UGT1A8: variants seen among roughly 807,000 people sequenced by gnomAD.
The protein encoded by UGT1A8 is UDP-glucuronosyltransferase 1A8.
Under a neutral mutation model 45.3 loss-of-function variants are expected in UGT1A8, and 39 were observed. The observed-to-expected ratio is 0.86, with a 90% CI of 0.67 to 1.12. UGT1A8 has a LOEUF of 1.12. Ranked by LOEUF, UGT1A8 falls within the 50% of genes most tolerant of loss-of-function variation. UGT1A8 has a pLI of 0.00. For missense variants in UGT1A8, 719 were observed against 664.9 expected, an observed-to-expected ratio of 1.08 and a Z score of -0.90; for synonymous variants, 275 against 249.2, an observed-to-expected ratio of 1.10 and a Z score of -0.97.
At chr2:233,688,306 C>T (rs1324577706) in intron 1 of UGT1A8, among the ~76,000 whole-genome samples, 1 of 152,124 alleles carries the variant, frequency 6.6e-6, no homozygotes, top group Non-Finnish European at 1.5e-5. Context: ...TTTATCCATT[C>T]ATCAGTTGGT....
rs535794871 is a variant in UGT1A8, at chr2:233,717,576, G to C, written c.856-49458G>C. On this transcript the variant is annotated intron_variant, in intron 1 of 4. Coordinates refer to ENST00000373450, the MANE Select transcript of UGT1A8 (RefSeq NM_019076.5). ...AATGGCAGACATGGCCAGGCATGTA[G>C]ACACAGAGGTAGTGAGATGGAAAGT... Among the ~76,000 whole-genome samples, 4 of 152,362 alleles carry C rather than the reference G, an allele frequency of 2.6e-5. No homozygotes were observed. In the East Asian group the frequency reaches 7.7e-4, roughly 29 times the overall value.
At chr2:233,709,178 C>T (rs1251204225) in intron 1 of UGT1A8, among the ~76,000 whole-genome samples, 1 of 152,082 alleles carries the variant, frequency 6.6e-6, no homozygotes, top group Non-Finnish European at 1.5e-5. Flanking sequence ...ATGTTCTATC[C>T]TGAGCTGGGA....
At chr2:233,707,832 A>G (rs1428523705) in intron 1 of UGT1A8, among the ~76,000 whole-genome samples, 2 of 152,200 alleles carry the variant, frequency 1.3e-5, no homozygotes, top group African/African-American at 2.4e-5. Context: ...TTAATTTAAT[A>G]AGATGTAACT....
chr2:233,650,734 T>C (rs532725929), intron 1 of UGT1A8, among the ~76,000 whole-genome samples: 4 of 152,358 alleles, frequency 2.6e-5, no homozygotes, highest in African/African-American at 9.6e-5. Flanking sequence ...GGGGCTTTTT[T>C]CCAACTGATG....
At chr2:233,623,617 A>G (rs2073049189) in intron 1 of UGT1A8, among the ~76,000 whole-genome samples, 1 of 152,184 alleles carries the variant, frequency 6.6e-6, no homozygotes. Flanking sequence ...TATCTATGAC[A>G]GTAAAAATTT....
chr2:233,695,283 T>G (rs546580338), intron 1 of UGT1A8, among the ~76,000 whole-genome samples: 155 of 152,002 alleles, frequency 1.0e-3, no homozygotes, highest in African/African-American at 3.5e-3. Context: ...GTGCCACCAT[T>G]CCCAGCTAAT....
chr2:233,718,011 C>T (rs889602207), intron 1 of UGT1A8: 3 of 401,954 alleles, frequency 7.5e-6, no homozygotes, highest in African/African-American at 6.2e-5. Flanking sequence ...TGAGGCCAGG[C>T]TCCAGCTCCC....
rs183860423 is a variant in UGT1A8 at position 233,740,220 on chromosome 2, G to A, written c.856-26814G>A. On this transcript the variant is annotated intron_variant, in intron 1 of 4. Transcript: ENST00000373450. ...TTATAAATTACCCAGTCTCAGCTGC[G>A]TCTTTATAGCAGGCTGAGAATAGAC... 6.2e-3 allele frequency among the ~76,000 whole-genome samples: 938 copies of A among 151,912 alleles called. 14 individuals are homozygous for A. The highest frequency in any genetic ancestry group is 5.9e-3 in the Non-Finnish European group (404 of 68,030).
At chr2:233,766,273 TGGCCCGGGCTCG>T (rs1203864514) in intron 1 of UGT1A8, among the ~76,000 whole-genome samples, 2 of 151,808 alleles carry the variant, frequency 1.3e-5, no homozygotes, top group Non-Finnish European at 2.9e-5. Context: ...CCGGGCTCGG[TGGCCCGGGCTCG>T]GTGGCCTGGG....
At chr2:233,725,279 GGCA>G (rs367576193) in intron 1 of UGT1A8, among the ~76,000 whole-genome samples, 53 of 44,274 alleles carry the variant, frequency 1.2e-3, no homozygotes, top group East Asian at 6.1e-3. Flanking sequence ...CAGAGGCAGA[GGCA>G]GAGGCAGAGG....
Position 233,617,929 on chromosome 2 carries a change from G to A in UGT1A8, c.222G>A (p.Val74=). The A allele has an allele frequency of 6.2e-7, 1 of 1,614,194 alleles. No individual in the cohort carries two copies. The highest frequency in any genetic ancestry group is 1.1e-5 in the South Asian group (1 of 91,078). ...WQLGKSLNCT[V]KTYSTSYTLE... is the part of the protein sequence containing the mutation. ...TGGGAAAATCACTGAATTGCACAGT[G>A]AAGACTTACTCAACCTCATACACTC... Residue 74 remains valine, a synonymous_variant, in exon 1 of 5, where the codon GTG becomes GTA. Coordinates refer to ENST00000373450, the MANE Select transcript of UGT1A8 (RefSeq NM_019076.5).
intron 1 of UGT1A8, among the ~76,000 whole-genome samples, chr2:233,734,792 AG>A (rs1191669872): frequency 1.3e-5 from 2 of 152,190 alleles, no homozygotes; most frequent in African/African-American, 4.8e-5. Context: ...ATTCAGGAGC[AG>A]GTTGTTCAGT....
rs145424374 is a variant in UGT1A8, at chr2:233,682,031, C to T, written c.855+63469C>T. On this transcript the variant is annotated intron_variant, in intron 1 of 4. Coordinates refer to ENST00000373450, the MANE Select transcript of UGT1A8 (RefSeq NM_019076.5). Reference sequence around the variant, plus strand: ...CAAGGCAGGGAAGCTGCTGGTAGTGCCCATGGATGGGAGCCACTGGTTCAC... The same window carrying T: ...CAAGGCAGGGAAGCTGCTGGTAGTGTCCATGGATGGGAGCCACTGGTTCAC... 75 of 1,613,956 alleles carry T rather than the reference C, an allele frequency of 4.6e-5. 1 individual carries two copies. Among genetic ancestry groups the T allele is most frequent in the South Asian group, 1.8e-4 (16 of 91,084 alleles).
intron 1 of UGT1A8, among the ~76,000 whole-genome samples, chr2:233,686,945 C>G (rs1438095246): frequency 1.3e-5 from 2 of 152,326 alleles, no homozygotes; most frequent in African/African-American, 2.4e-5. Context: ...TGCAGGGAAG[C>G]TGTCAGTAAT....
chr2:233,678,713 A>G (rs945469099), intron 1 of UGT1A8, among the ~76,000 whole-genome samples: 1 of 152,060 alleles, frequency 6.6e-6, no homozygotes, highest in Non-Finnish European at 1.5e-5. Flanking sequence ...CTTCTTCTAC[A>G]TCTTCTTTCT....
chr2:233,768,137 T>C (rs143830502), intron 3 of UGT1A8, 83 bp from the exon 4 acceptor site: 2 of 1,609,224 alleles, frequency 1.2e-6, no homozygotes, highest in East Asian at 4.5e-5. Context: ...ACTGAGTCTT[T>C]GGAGTGTTTT....
In UGT1A8 at chr2:233,637,286, C is replaced by G. The variant is rs45574333; in HGVS notation, c.855+18724C>G. The G allele has an allele frequency of 3.7e-5, 59 of 1,613,826 alleles. No homozygotes were observed. Among genetic ancestry groups the G allele is most frequent in the Non-Finnish European group, 4.8e-5 (57 of 1,179,868 alleles). Reference sequence around the variant, plus strand: ...CACACATCAATTTGGTTGTTGCGAACGGACTTTGTTTTGGACTATCCCAAA... The same window carrying G: ...CACACATCAATTTGGTTGTTGCGAAGGGACTTTGTTTTGGACTATCCCAAA... On this transcript the variant is annotated intron_variant, in intron 1 of 4. Transcript: ENST00000373450.
Position 233,767,146 on chromosome 2 carries a change from T to C in UGT1A8, c.968T>C (p.Leu323Ser), listed in dbSNP as rs372326047. ...EKKAMAIADA[L>S]GKIPQTVLWR... The stretch of plus-strand genomic sequence containing the variant: ...AAAGCTATGGCAATTGCTGATGCTT[T>C]GGGCAAAATCCCTCAGACAGTAAGA... Residue 323 changes from leucine (L) to serine (S), a missense_variant, in exon 2 of 5, where the codon TTG (leucine) becomes TCG (serine). Transcript: ENST00000373450. 1 of 1,614,014 alleles carries C rather than the reference T, an allele frequency of 6.2e-7. No individual in the cohort carries two copies. Among genetic ancestry groups the C allele is most frequent in the Admixed American group, 1.7e-5 (1 of 60,006 alleles).
intron 1 of UGT1A8, chr2:233,637,377 G>A: frequency 6.2e-7 from 1 of 1,611,630 alleles, no homozygotes; most frequent in Non-Finnish European, 8.5e-7. Context: ...CATTGCCTAT[G>A]GTAAGTCACC....
Sources: allele counts gnomAD v4.1 joint callset (sites outside exome capture counted in the v4.1 genomes callset), GRCh38; gene constraint gnomAD v4.1.1; transcripts MANE v1.5; gene names NCBI Gene and HGNC (gene_info 2026-07-23, HGNC 2026-07-21).